The following PARP8 variants were observed in gnomAD, a reference collection of about 807,000 sequenced individuals.
PARP8 encodes the protein poly(ADP-ribose) polymerase family member 8, also known as protein mono-ADP-ribosyltransferase PARP8.
A neutral mutation model predicts 124.1 loss-of-function variants in PARP8; 51 were observed. That is an observed-to-expected ratio of 0.41 (90% CI 0.33 to 0.52). PARP8 has a LOEUF of 0.52. Ranked by LOEUF, PARP8 falls within the 20% of genes least tolerant of loss-of-function variation. The probability of loss-of-function intolerance (pLI) is 0.21; values close to 1 mark genes in which losing one functional copy is unlikely to be tolerated. For synonymous variants in PARP8, 391 were observed against 361.5 expected (o/e 1.08, Z -0.93); for missense variants, 860 against 1,018.9 (o/e 0.84, Z 2.12).
At chr5:50,682,788 C>T (rs13173734) in intron 2 of PARP8, among the ~76,000 whole-genome samples, 128,736 of 152,162 alleles carry the variant, frequency 0.85, 54,830 homozygotes, top group East Asian at 0.96. Flanking sequence ...GATTGCTTAG[C>T]TGTGGACCAG....
At chr5:50,692,361 A>T (rs965789284) in intron 2 of PARP8, among the ~76,000 whole-genome samples, 4 of 151,904 alleles carry the variant, frequency 2.6e-5, no homozygotes, top group African/African-American at 9.7e-5. Context: ...CTTCCCTAAG[A>T]CTCTCAAAAT....
chr5:50,758,769 A>C (rs1258727513), intron 3 of PARP8, among the ~76,000 whole-genome samples: 2 of 152,222 alleles, frequency 1.3e-5, no homozygotes, highest in Admixed American at 1.3e-4. Context: ...GCAAAGAAAA[A>C]TAAATACCTA....
chr5:50,765,375 T>C (rs1400758430), intron 7 of PARP8, among the ~76,000 whole-genome samples: 1 of 152,222 alleles, frequency 6.6e-6, no homozygotes, highest in African/African-American at 2.4e-5. Flanking sequence ...TAGGCCCCAG[T>C]CATATTGCCA....
At chr5:50,819,870 G>A (rs1394594783) in intron 15 of PARP8, among the ~76,000 whole-genome samples, 1 of 152,060 alleles carries the variant, frequency 6.6e-6, no homozygotes, top group Non-Finnish European at 1.5e-5. Context: ...GGAATGTGAG[G>A]GTGGGAGAGG....
Position 50,765,191 on chromosome 5 carries a change from G to A in PARP8, c.518+1949G>A, listed in dbSNP as rs192580055. 1.7e-4 allele frequency among the ~76,000 whole-genome samples: 26 copies of A among 151,978 alleles called. No individual in the cohort carries two copies. The East Asian group carries it at 4.3e-3, about 25-fold the overall frequency. On this transcript the variant is annotated intron_variant, in intron 7 of 25. Transcript: ENST00000281631. The stretch of plus-strand genomic sequence containing the variant: ...GCAGAAGAATCGCTTGAACTCAGGG[G>A]GCGGAGGTTGCAGTGAGCTGAGATC...
chr5:50,732,966 A>C (rs1205282389), intron 2 of PARP8, among the ~76,000 whole-genome samples: 1 of 151,616 alleles, frequency 6.6e-6, no homozygotes, highest in Non-Finnish European at 1.5e-5. Flanking sequence ...TTCACATAAC[A>C]GTGCTTTTTT....
intron 19 of PARP8, 88 bp downstream of exon 19, chr5:50,826,891 C>A: frequency 6.6e-7 from 1 of 1,506,822 alleles, no homozygotes; most frequent in Non-Finnish European, 8.8e-7. Context: ...AATTTTTAGC[C>A]AGACTCTCCA....
chr5:50,841,996 T>C lies in PARP8; in HGVS notation c.2493T>C (p.Asn831=), dbSNP rs377650672. ...VYEDGQVGDA[N]INTQEGGIHK... Reference sequence around the variant, plus strand: ...AAGACGGCCAAGTGGGAGATGCAAATATTAATACACAAGAAGGAGGCATTC... The same window carrying C: ...AAGACGGCCAAGTGGGAGATGCAAACATTAATACACAAGAAGGAGGCATTC... The change falls in exon 26 of 26, where the codon AAT becomes AAC. Residue 831 remains asparagine, a synonymous_variant. Coordinates refer to ENST00000281631, the MANE Select transcript of PARP8 (RefSeq NM_024615.4). The C allele has an allele frequency of 2.9e-5, 46 of 1,604,884 alleles. No homozygotes were observed. In the African/African-American group the frequency reaches 6.2e-4, roughly 22 times the overall value.
chr5:50,784,558 A>G (rs1741028122), intron 9 of PARP8, among the ~76,000 whole-genome samples: 1 of 152,162 alleles, frequency 6.6e-6, no homozygotes, highest in South Asian at 2.1e-4. Flanking sequence ...TCAGTGCATT[A>G]GAATAATTTC....
chr5:50,733,177 G>T (rs1369777402), intron 2 of PARP8, among the ~76,000 whole-genome samples: 3 of 151,732 alleles, frequency 2.0e-5, no homozygotes, highest in Non-Finnish European at 4.4e-5. Flanking sequence ...GGTGTTGTGT[G>T]CCTATAATCC....
At chr5:50,787,910 T>C (rs1221892584) in intron 9 of PARP8, among the ~76,000 whole-genome samples, 1 of 150,068 alleles carries the variant, frequency 6.7e-6, no homozygotes, top group Non-Finnish European at 1.5e-5. Context: ...TATATATGTA[T>C]ATATGTTATA....
At chr5:50,735,814 T>C (rs1291450589) in intron 2 of PARP8, among the ~76,000 whole-genome samples, 1 of 151,768 alleles carries the variant, frequency 6.6e-6, no homozygotes, top group Non-Finnish European at 1.5e-5. Flanking sequence ...TGGGGGTTGG[T>C]ATAGGGCTTT....
chr5:50,703,472 T>A (rs1016128416), intron 2 of PARP8, among the ~76,000 whole-genome samples: 4 of 152,056 alleles, frequency 2.6e-5, no homozygotes, highest in African/African-American at 7.2e-5. Context: ...GAGGTCTCCT[T>A]AGGGGGGTTT....
chr5:50,684,444 G>GA (rs59463571), intron 2 of PARP8, among the ~76,000 whole-genome samples: 129,383 of 151,622 alleles, frequency 0.85, 55,468 homozygotes, highest in East Asian at 0.96. Context: ...GAACTAATAT[G>GA]AAATCAGGGG....
chr5:50,813,090 C>T (rs1744661801), intron 14 of PARP8, among the ~76,000 whole-genome samples: 1 of 152,030 alleles, frequency 6.6e-6, no homozygotes, highest in Admixed American at 6.6e-5. Context: ...TTTTTTGGTT[C>T]CATATGAACT....
chr5:50,835,033 A>T lies in PARP8; in HGVS notation c.2462+18A>T, dbSNP rs769698751. 2.5e-6 allele frequency: 4 copies of T among 1,602,492 alleles called. No individual in the cohort carries two copies. In the Admixed American group the frequency reaches 6.7e-5, roughly 27 times the overall value. On this transcript the variant is annotated intron_variant, in intron 25 of 25. Transcript: ENST00000281631. ...TTTTTCGTGTAAGTGGAAATGCTCA[A>T]ATTTGTATATTACTGTCTTTGCCAC...
chr5:50,736,147 C>A (rs1356944388), intron 2 of PARP8, among the ~76,000 whole-genome samples: 2 of 152,040 alleles, frequency 1.3e-5, no homozygotes, highest in Admixed American at 1.3e-4. Context: ...AACCTCCCCC[C>A]ACCCACCGAA....
rs762188009 is a variant in PARP8 at position 50,826,815 on chromosome 5, T to G, written c.1977+12T>G. Reference sequence around the variant, plus strand: ...TGCCAGTTAACAGGGTAAGTTGTTTTTTTTTTTTTTACATATGCATACAGA... The same window carrying G: ...TGCCAGTTAACAGGGTAAGTTGTTTGTTTTTTTTTTACATATGCATACAGA... On this transcript the variant is annotated intron_variant, in intron 19 of 25. Transcript: ENST00000281631. The G allele has an allele frequency of 5.7e-6, 9 of 1,585,314 alleles. No homozygotes were observed. The Middle Eastern group carries it at 8.4e-4, about 148-fold the overall frequency.
chr5:50,667,570 G>A (rs1749457975), intron 1 of PARP8: 1 of 698,448 alleles, frequency 1.4e-6, no homozygotes, highest in East Asian at 2.7e-5. Flanking sequence ...GGCGGCGGCC[G>A]GGAATGGAGC....
Sources: gnomAD v4.1 joint callset for allele counts (sites outside exome capture counted in the v4.1 genomes callset) on GRCh38, gnomAD v4.1.1 for gene constraint, MANE v1.5 for transcripts, NCBI Gene and HGNC (gene_info 2026-07-23, HGNC 2026-07-21) for gene names.